ACKR5: variants seen among roughly 807,000 people sequenced by gnomAD.
The protein encoded by ACKR5 is atypical chemokine receptor 5, also known as G protein-coupled receptor 182.
At chr12:56,997,250 C>T in the ACKR5 span, 1 of 152,320 alleles carries the variant, frequency 6.6e-6, no homozygotes, top group Admixed American at 6.5e-5. Context: ...AAAGCCCAAC[C>T]CACCCCCATC....
At chr12:56,995,970 GGC>G in the ACKR5 span, 1 of 1,611,378 alleles carries the variant, frequency 6.2e-7, no homozygotes, top group Non-Finnish European at 8.5e-7. The surrounding 1 kb of genome is among the most constrained non-coding windows in gnomAD (Gnocchi z 4.7). Context: ...CCCAAGAGCC[GGC>G]GCCACTGCCT....
the ACKR5 span, chr12:56,996,056 C>G: frequency 6.2e-7 from 1 of 1,611,898 alleles, no homozygotes; most frequent in African/African-American, 1.3e-5. Context: ...GCTGCTCACA[C>G]TGCATGGGAC....
At chr12:56,995,167 C>T in the ACKR5 span, 1 of 1,572,086 alleles carries the variant, frequency 6.4e-7, no homozygotes, top group Non-Finnish European at 8.6e-7. This position sits in a 1 kb window ranked among gnomAD's most constrained non-coding sequence, Gnocchi z 4.7. Context: ...TCTGCTTTCC[C>T]TTCCAACCCT....
At chr12:56,997,254 C>G in the ACKR5 span, 1 of 152,298 alleles carries the variant, frequency 6.6e-6, no homozygotes, top group Admixed American at 6.5e-5. Flanking sequence ...CCCAACCCAC[C>G]CCCATCTCTT....
the ACKR5 span, chr12:56,996,623 G>A: frequency 3.8e-6 from 2 of 530,660 alleles, no homozygotes; most frequent in East Asian, 6.1e-5. Flanking sequence ...ATTTGTCTCG[G>A]TCCTTGTGTC....
the ACKR5 span, chr12:56,995,671 C>T: frequency 6.2e-7 from 1 of 1,613,956 alleles, no homozygotes; most frequent in Non-Finnish European, 8.5e-7. The surrounding 1 kb of genome is among the most constrained non-coding windows in gnomAD (Gnocchi z 4.7). Flanking sequence ...GCTATGTCAC[C>T]CTCACCAGCG....
the ACKR5 span, chr12:56,995,980 C>A: frequency 1.2e-6 from 2 of 1,610,944 alleles, no homozygotes; most frequent in Admixed American, 1.7e-5. This position sits in a 1 kb window ranked among gnomAD's most constrained non-coding sequence, Gnocchi z 4.7. Flanking sequence ...GGCGCCACTG[C>A]CTGCTGCTGT....
At chr12:56,996,229 T>C in the ACKR5 span, 1 of 1,614,106 alleles carries the variant, frequency 6.2e-7, no homozygotes, top group Non-Finnish European at 8.5e-7. Context: ...ATTACCTTCC[T>C]AAGGACCAGA....
chr12:56,996,321 C>G, the ACKR5 span: 386 of 1,614,118 alleles, frequency 2.4e-4, no homozygotes, highest in Non-Finnish European at 3.1e-4. Flanking sequence ...AGCCAGCCTG[C>G]TGCAGCAGCC....
At chr12:56,997,742 T>G in the ACKR5 span, 2 of 152,262 alleles carry the variant, frequency 1.3e-5, no homozygotes, top group African/African-American at 4.8e-5. Flanking sequence ...TCTGTCCTGC[T>G]TAAGTGCTCC....
chr12:56,997,074 AAC>A, the ACKR5 span: 18,390 of 152,230 alleles, frequency 0.12, 1,214 homozygotes, highest in East Asian at 0.18. Flanking sequence ...CCATCCAGGA[AAC>A]ACAGCTCCAT....
chr12:56,996,114 A>G, the ACKR5 span: 1 of 1,613,814 alleles, frequency 6.2e-7, no homozygotes, highest in Non-Finnish European at 8.5e-7. Context: ...TACTTCTTCT[A>G]TGATGTCATT....
the ACKR5 span, chr12:56,996,363 C>T: frequency 1.9e-6 from 3 of 1,612,906 alleles, no homozygotes; most frequent in Non-Finnish European, 2.5e-6. Context: ...AGCTTTCAGG[C>T]ACACCATTTG....
the ACKR5 span, among the ~76,000 whole-genome samples, chr12:56,994,963 C>A: frequency 6.6e-6 from 1 of 152,120 alleles, no homozygotes; most frequent in African/African-American, 2.4e-5. Flanking sequence ...TGGACACCAA[C>A]AGTCCTGGCC....
chr12:56,995,504 G>T, the ACKR5 span: 1 of 1,614,202 alleles, frequency 6.2e-7, no homozygotes, highest in Non-Finnish European at 8.5e-7. The surrounding 1 kb of genome is among the most constrained non-coding windows in gnomAD (Gnocchi z 4.7). Flanking sequence ...GGCCATCGCG[G>T]ACCTGGGCAT....
At chr12:56,998,018 C>A in the ACKR5 span, 1 of 152,144 alleles carries the variant, frequency 6.6e-6, no homozygotes, top group Non-Finnish European at 1.5e-5. Context: ...TGGCTTGGGT[C>A]GCAGTAAGGG....
At chr12:56,995,100 T>C in the ACKR5 span, 5 of 948,082 alleles carry the variant, frequency 5.3e-6, no homozygotes, top group Non-Finnish European at 8.0e-6. This position sits in a 1 kb window ranked among gnomAD's most constrained non-coding sequence, Gnocchi z 4.7. Flanking sequence ...CCAGAATCTT[T>C]CCCCAAAGCC....
At chr12:56,995,609 T>C in the ACKR5 span, 1 of 1,614,034 alleles carries the variant, frequency 6.2e-7, no homozygotes, top group Non-Finnish European at 8.5e-7. This position sits in a 1 kb window ranked among gnomAD's most constrained non-coding sequence, Gnocchi z 4.7. Context: ...CTACTTCTAC[T>C]TTGTCAACAT....
At chr12:56,997,651 C>T in the ACKR5 span, 2 of 152,336 alleles carry the variant, frequency 1.3e-5, no homozygotes, top group East Asian at 3.9e-4. Flanking sequence ...TTCCGCCTTC[C>T]AATTCCACGT....
Sources: allele counts gnomAD v4.1 joint callset (sites outside exome capture counted in the v4.1 genomes callset), GRCh38; gene constraint gnomAD v4.1.1; non-coding constraint Gnocchi (gnomAD v3.1); transcripts MANE v1.5; gene names NCBI Gene and HGNC (gene_info 2026-07-23, HGNC 2026-07-21).